The following EDC3 variants were observed in gnomAD, a reference collection of about 807,000 sequenced individuals.
The protein encoded by EDC3 is enhancer of mRNA decapping 3, also known as enhancer of mRNA-decapping protein 3.
A neutral mutation model predicts 41.8 loss-of-function variants in EDC3; 20 were observed. The ratio of observed to expected loss-of-function variants is 0.48; its 90% CI spans 0.34 to 0.70. EDC3 has a LOEUF of 0.70. Ranked by LOEUF, EDC3 falls within the 30% of genes least tolerant of loss-of-function variation. The pLI, the probability that EDC3 is intolerant of heterozygous loss-of-function variation, is 0.01. For synonymous variants in EDC3, 206 were observed against 243.2 expected (o/e 0.85, Z 1.42); for missense variants, 444 against 636.8 (o/e 0.70, Z 3.26).
intron 1 of EDC3, among the ~76,000 whole-genome samples, chr15:74,683,586 T>TC (rs2141673994): frequency 6.6e-6 from 1 of 152,222 alleles, no homozygotes; most frequent in South Asian, 2.1e-4. Flanking sequence ...CATATCAATG[T>TC]CAATATCCTA....
chr15:74,655,995 A>C lies in EDC3; in HGVS notation c.558T>G (p.Asn186Lys). 2.5e-6 allele frequency: 4 copies of C among 1,613,870 alleles called. No individual in the cohort carries two copies. The highest frequency in any genetic ancestry group is 3.4e-6 in the Non-Finnish European group (4 of 1,179,992). ...KSGLKNGQMK[N>K]KDDECFGDDI... ...CATCCCCGAAGCACTCGTCATCTTT[A>C]TTCTTCATCTGGCCATTCTTTAAAC... Residue 186 changes from asparagine to lysine, a missense_variant, in exon 4 of 7, where the codon AAT becomes AAG. By Grantham distance (94) the Asn-to-Lys change is moderately conservative (BLOSUM62 0). Transcript: ENST00000315127.
chr15:74,660,560 G>A (rs1438618891), intron 3 of EDC3, among the ~76,000 whole-genome samples: 1 of 151,690 alleles, frequency 6.6e-6, no homozygotes, highest in African/African-American at 2.4e-5. Context: ...GACAGAATGG[G>A]TATGAAAATA....
intron 4 of EDC3, among the ~76,000 whole-genome samples, chr15:74,651,265 T>G (rs1283565917): frequency 1.3e-5 from 2 of 152,230 alleles, no homozygotes; most frequent in East Asian, 3.8e-4. Context: ...GACACCATTA[T>G]TTAGCAGGGC....
At chr15:74,688,080 G>A (rs534010008) in intron 1 of EDC3, among the ~76,000 whole-genome samples, 1 of 152,286 alleles carries the variant, frequency 6.6e-6, no homozygotes, top group South Asian at 2.1e-4. Context: ...CACTGAATGT[G>A]TAACAAACTT....
At chr15:74,690,792 C>T (rs1424573494) in intron 1 of EDC3, among the ~76,000 whole-genome samples, 1 of 152,050 alleles carries the variant, frequency 6.6e-6, no homozygotes, top group Non-Finnish European at 1.5e-5. Flanking sequence ...CCCCACCCCG[C>T]CTCAGAAAAA....
In EDC3 at chr15:74,671,514, A is replaced by T; in HGVS notation, c.425T>A (p.Val142Asp). Residue 142 changes from valine to aspartate, a missense_variant, in exon 3 of 7, where the codon GTC becomes GAC. Physicochemically the swap from Val to Asp is radical, Grantham distance 152. Around this residue, in one of 3 missense-constraint regions of EDC3, gnomAD observed 200 missense variants for 244.0 expected, o/e 0.82. Coordinates refer to ENST00000315127, the MANE Select transcript of EDC3 (RefSeq NM_025083.5). The surrounding 1 kb of genome is among the most constrained non-coding windows in gnomAD (Gnocchi z 4.6). Reference sequence around the variant, plus strand: ...ACTCAAGGATTCCATGTGCCTGTCGACATAGCTCTTTGAGCACTGTTGCTG... The same window carrying T: ...ACTCAAGGATTCCATGTGCCTGTCGTCATAGCTCTTTGAGCACTGTTGCTG... ...PQQQQCSKSY[V>D]DRHMESLSQS... 6.2e-7 allele frequency: 1 copy of T among 1,614,242 alleles called. No homozygotes were observed. The highest frequency in any genetic ancestry group is 8.5e-7 in the Non-Finnish European group (1 of 1,180,054).
At chr15:74,687,103 A>C (rs1195754711) in intron 1 of EDC3, 2 of 152,202 alleles carry the variant, frequency 1.3e-5, no homozygotes, top group Admixed American at 1.3e-4. Context: ...TTGTAATTCC[A>C]GGAGTTTGGG....
chr15:74,674,726 C>T, intron 2 of EDC3: 2 of 492,510 alleles, frequency 4.1e-6, no homozygotes, highest in Non-Finnish European at 3.7e-6. Flanking sequence ...AGGAAATAAA[C>T]AGTATAGGCC....
chr15:74,668,725 T>TGAACGAAAGAAAGAAAGAAAGAAA (rs1180905042), intron 3 of EDC3, among the ~76,000 whole-genome samples: 1 of 58,438 alleles, frequency 1.7e-5, no homozygotes, highest in African/African-American at 1.5e-4. Context: ...GTCTCAAAAA[T>TGAACGAAAGAAAGAAAGAAAGAAA]GAATGAAAGA....
At chr15:74,655,368 G>A (rs879290733) in intron 4 of EDC3, among the ~76,000 whole-genome samples, 2 of 152,172 alleles carry the variant, frequency 1.3e-5, no homozygotes, top group Non-Finnish European at 2.9e-5. Flanking sequence ...TAGTAAAACA[G>A]AGTTGAAGTC....
intron 4 of EDC3, among the ~76,000 whole-genome samples, chr15:74,649,461 A>G (rs1374805650): frequency 6.6e-6 from 1 of 152,114 alleles, no homozygotes; most frequent in Admixed American, 6.6e-5. Context: ...GTTCAGTTAT[A>G]CTCAGAGGCC....
intron 3 of EDC3, among the ~76,000 whole-genome samples, chr15:74,667,148 T>C (rs1366871199): frequency 6.6e-6 from 1 of 151,896 alleles, no homozygotes; most frequent in African/African-American, 2.4e-5. Flanking sequence ...TTTCTCACTG[T>C]TGGAGTGAGA....
At chr15:74,664,891 AGG>A (rs1055686324) in intron 3 of EDC3, among the ~76,000 whole-genome samples, 1 of 152,244 alleles carries the variant, frequency 6.6e-6, no homozygotes, top group African/African-American at 2.4e-5. Context: ...TCCATTTAAA[AGG>A]TTCAATTCCA....
At chr15:74,663,959 C>A (rs950749236) in intron 3 of EDC3, among the ~76,000 whole-genome samples, 4 of 152,152 alleles carry the variant, frequency 2.6e-5, no homozygotes, top group Non-Finnish European at 5.9e-5. Context: ...ACATAACTTA[C>A]AACAAAACCC....
At position 74,671,515 on chromosome 15, in the gene EDC3, C is replaced by T. The variant is rs748562304; in HGVS notation, c.424G>A (p.Val142Ile). 3 of 1,614,244 alleles carry T rather than the reference C, an allele frequency of 1.9e-6. No homozygotes were observed. The South Asian group carries it at 3.3e-5, about 18-fold the overall frequency. Reference protein sequence around the residue: ...PQQQQCSKSYVDRHMESLSQS... With the variant: ...PQQQQCSKSYIDRHMESLSQS... ...CTCAAGGATTCCATGTGCCTGTCGA[C>T]ATAGCTCTTTGAGCACTGTTGCTGC... Residue 142 changes from valine (V) to isoleucine (I), a missense_variant, in exon 3 of 7, where the codon GTC becomes ATC. This residue lies in a region of EDC3 where 200 missense variants were observed against 244.0 expected (regional missense o/e 0.82). Transcript: ENST00000315127. The surrounding 1 kb of genome is among the most constrained non-coding windows in gnomAD (Gnocchi z 4.6).
intron 1 of EDC3, among the ~76,000 whole-genome samples, chr15:74,677,359 C>CTT (rs747397931): frequency 1.1e-3 from 122 of 111,320 alleles, no homozygotes; most frequent in South Asian, 5.3e-3. Flanking sequence ...CATGCCCAGC[C>CTT]TTTTTTTTTT....
chr15:74,649,409 G>A (rs1045973226), intron 4 of EDC3, among the ~76,000 whole-genome samples: 45 of 152,168 alleles, frequency 3.0e-4, no homozygotes, highest in African/African-American at 7.7e-4. Flanking sequence ...GTGAGCCACT[G>A]CAGCCAACTA....
In EDC3 at chr15:74,631,668, G is replaced by C. The variant is rs768679657; in HGVS notation, c.*944C>G. On this transcript the variant is annotated 3_prime_UTR_variant, in exon 7 of 7. Coordinates refer to ENST00000315127, the MANE Select transcript of EDC3 (RefSeq NM_025083.5). The stretch of plus-strand genomic sequence containing the variant: ...GGGGAAGGGCAGAGGGGATGAAAGA[G>C]TAGGTGGGGCATGTATGTGCGGGCA... 1.3e-5 allele frequency: 2 copies of C among 152,886 alleles called. No individual in the cohort carries two copies. The highest frequency in any genetic ancestry group is 6.5e-5 in the Admixed American group (1 of 15,294). The allele number at this position is 152,886 out of a possible 1,614,324, so 9.5% of individuals were successfully genotyped here.
intron 1 of EDC3, among the ~76,000 whole-genome samples, chr15:74,690,586 G>A (rs181076083): frequency 2.0e-5 from 3 of 152,298 alleles, no homozygotes; most frequent in East Asian, 3.9e-4. Flanking sequence ...TGAAAAACTA[G>A]GAATTGTTCC....
Sources: gnomAD v4.1 joint callset for allele counts (sites outside exome capture counted in the v4.1 genomes callset) on GRCh38, gnomAD v4.1.1 for gene constraint, gnomAD v4.1.1 regional missense constraint, Gnocchi (gnomAD v3.1) non-coding constraint, MANE v1.5 for transcripts, NCBI Gene and HGNC (gene_info 2026-07-23, HGNC 2026-07-21) for gene names.